The following C12orf42 variants were observed in gnomAD, a reference collection of about 807,000 sequenced individuals.
C12orf42 encodes uncharacterized protein C12orf42.
Under a neutral mutation model 21.6 loss-of-function variants are expected in C12orf42, and 25 were observed. The ratio of observed to expected loss-of-function variants is 1.16; its 90% CI spans 0.84 to 1.62. The LOEUF (loss-of-function observed/expected upper bound fraction) is 1.62, where lower values mean the gene tolerates loss of function less well. Among genes scored for constraint, C12orf42 ranks in the 40% most tolerant of loss-of-function variants. C12orf42 has a pLI of 0.00. For missense variants in C12orf42, 483 were observed against 459.3 expected (o/e 1.05, Z -0.47); for synonymous variants, 174 against 175.0 (o/e 0.99, Z 0.05).
chr12:103,452,668 C>CAT (rs1296692387), intron 2 of C12orf42, among the ~76,000 whole-genome samples: 5 of 151,760 alleles, frequency 3.3e-5, no homozygotes, highest in African/African-American at 1.2e-4. Flanking sequence ...AAATGTGGCA[C>CAT]ATATATACCA....
chr12:103,181,450 G>C, the C12orf42 span, among the ~76,000 whole-genome samples: 1 of 152,066 alleles, frequency 6.6e-6, no homozygotes, highest in Non-Finnish European at 1.5e-5. Flanking sequence ...ACTTTGAAAT[G>C]GGTTACTCAA....
chr12:103,369,815 C>T (rs7309571), intron 3 of C12orf42, among the ~76,000 whole-genome samples: 21,753 of 151,946 alleles, frequency 0.14, 1,896 homozygotes, highest in South Asian at 0.28. Flanking sequence ...GGACATAGGA[C>T]TTGGCAAAGA....
intron 4 of C12orf42, among the ~76,000 whole-genome samples, chr12:103,309,301 C>A (rs2038710298): frequency 6.6e-6 from 1 of 152,136 alleles, no homozygotes; most frequent in African/African-American, 2.4e-5. Flanking sequence ...ACTCAAAGTG[C>A]AGACAAAGAT....
chr12:103,558,180 G>C, the C12orf42 span: 3 of 152,100 alleles, frequency 2.0e-5, 1 homozygote, highest in East Asian at 5.8e-4. Flanking sequence ...CTCCTGACTG[G>C]CCCATCCCCG....
chr12:103,371,009 G>T (rs532149813), intron 3 of C12orf42, among the ~76,000 whole-genome samples: 117 of 152,244 alleles, frequency 7.7e-4, no homozygotes, highest in African/African-American at 2.8e-3. Flanking sequence ...CAATTCAGAT[G>T]ATTTGGATAT....
intron 4 of C12orf42, among the ~76,000 whole-genome samples, chr12:103,320,880 G>A (rs933024836): frequency 2.6e-5 from 4 of 152,092 alleles, no homozygotes; most frequent in Non-Finnish European, 5.9e-5. Context: ...AATGTCTTAG[G>A]TGAGTATACC....
At position 103,245,754 on chromosome 12, in the gene C12orf42, C is replaced by T. The variant is rs78613008; in HGVS notation, c.*1367-7852G>A. On this transcript the variant is annotated intron_variant and NMD_transcript_variant, in intron 10 of 10. Transcript: ENST00000547347. ...AAATAAACAAATGTATAAAACATTA[C>T]TTTGCCCCAAATCAGTTATGATTTA... is the stretch of plus-strand genomic sequence containing the variant. Among the ~76,000 whole-genome samples the T allele has an allele frequency of 2.9e-3, 441 of 152,190 alleles. 3 individuals are homozygous for T. The highest frequency in any genetic ancestry group is 0.01 in the Middle Eastern group (3 of 294).
chr12:103,384,409 C>T (rs993637997), intron 3 of C12orf42, among the ~76,000 whole-genome samples: 5 of 152,254 alleles, frequency 3.3e-5, no homozygotes, highest in East Asian at 1.9e-4. Flanking sequence ...CTACATTAAG[C>T]GGTGGGTGAA....
At chr12:103,135,778 C>G in the C12orf42 span, among the ~76,000 whole-genome samples, 1 of 152,070 alleles carries the variant, frequency 6.6e-6, no homozygotes. Context: ...AATGTAATAC[C>G]TGATATCAAT....
chr12:103,341,112 CAAAA>C (rs34154888), intron 4 of C12orf42, among the ~76,000 whole-genome samples: 1 of 47,682 alleles, frequency 2.1e-5, no homozygotes, highest in African/African-American at 8.0e-5. Flanking sequence ...GACTCTGTCT[CAAAA>C]AAAAAAAAAA....
the C12orf42 span, among the ~76,000 whole-genome samples, chr12:103,085,967 C>G: frequency 1.3e-5 from 2 of 152,160 alleles, no homozygotes; most frequent in Admixed American, 1.3e-4. Flanking sequence ...GGTCTCCAAA[C>G]CTTGCTGGAT....
At chr12:103,512,053 C>A in the C12orf42 span, among the ~76,000 whole-genome samples, 1 of 152,150 alleles carries the variant, frequency 6.6e-6, no homozygotes, top group Non-Finnish European at 1.5e-5. Flanking sequence ...GAGTCTTGGT[C>A]CTTTCCTAAA....
At chr12:103,494,838 G>A (rs1034553564) in intron 1 of C12orf42, among the ~76,000 whole-genome samples, 1 of 152,128 alleles carries the variant, frequency 6.6e-6, no homozygotes, top group Non-Finnish European at 1.5e-5. Flanking sequence ...AGGGGGTGTC[G>A]AATGAATGGG....
In C12orf42 at chr12:103,241,007, ACAGT is replaced by A. The variant is rs1355497495; in HGVS notation, c.*1367-3109_*1367-3106del. Among the ~76,000 whole-genome samples, 8 of 152,190 alleles carry A rather than the reference ACAGT, an allele frequency of 5.3e-5. No individual in the cohort carries two copies. The East Asian group carries it at 7.7e-4, about 15-fold the overall frequency. Reference sequence around the variant, plus strand: ...AACATCTTTTAATCATTGTAAAGAGACAGTCAGATAAAGTTATTGTAAGAGAATT... The same window carrying A: ...AACATCTTTTAATCATTGTAAAGAGACAGATAAAGTTATTGTAAGAGAATT... On this transcript the variant is annotated intron_variant and NMD_transcript_variant, in intron 10 of 10. Transcript: ENST00000547347.
At chr12:103,267,539 T>C (rs1173086071), downstream of C12orf42, 3 of 152,146 alleles carry the variant, frequency 2.0e-5, no homozygotes, top group African/African-American at 7.2e-5. Flanking sequence ...AGTATCACAA[T>C]TGATTATAAA....
chr12:103,142,806 A>G, the C12orf42 span, among the ~76,000 whole-genome samples: 1 of 152,214 alleles, frequency 6.6e-6, no homozygotes, highest in Non-Finnish European at 1.5e-5. Flanking sequence ...TTGTGCAGCA[A>G]ACTACCTTTT....
intron 2 of C12orf42, among the ~76,000 whole-genome samples, chr12:103,453,674 T>C (rs961688213): frequency 6.6e-6 from 1 of 152,134 alleles, no homozygotes; most frequent in African/African-American, 2.4e-5. Flanking sequence ...TATTCGCTGT[T>C]TCCTCGGATG....
chr12:103,265,175 A>C (rs2888710), downstream of C12orf42, among the ~76,000 whole-genome samples: 56,866 of 151,918 alleles, frequency 0.37, 12,176 homozygotes, highest in African/African-American at 0.58. Flanking sequence ...ACCCTCATGA[A>C]CTAATCACAC....
chr12:103,482,211 G>A (rs1292177907), intron 1 of C12orf42, among the ~76,000 whole-genome samples: 1 of 151,974 alleles, frequency 6.6e-6, no homozygotes, highest in African/African-American at 2.4e-5. Context: ...CCTTCTTAAG[G>A]AAAATCCTTT....
Sources: allele counts gnomAD v4.1 joint callset (sites outside exome capture counted in the v4.1 genomes callset), GRCh38; gene constraint gnomAD v4.1.1; transcripts MANE v1.5; gene names NCBI Gene and HGNC (gene_info 2026-07-23, HGNC 2026-07-21).